The following TTC28 variants were observed in gnomAD, a reference collection of about 807,000 sequenced individuals.
TTC28 encodes the protein tetratricopeptide repeat domain 28, also known as tetratricopeptide repeat protein 28.
In TTC28, 61 loss-of-function variants were observed where a neutral mutation model predicts 198.0. The ratio of observed to expected loss-of-function variants is 0.31; its 90% CI spans 0.25 to 0.38. The LOEUF is 0.38. Ranked by LOEUF, TTC28 falls within the 10% of genes least tolerant of loss-of-function variation. The pLI, the probability that TTC28 is intolerant of heterozygous loss-of-function variation, is 1.00. For synonymous variants in TTC28, 1,171 were observed against 1,297.8 expected, an observed-to-expected ratio of 0.90 and a Z score of 2.10; for missense variants, 2,678 against 3,164.0, an observed-to-expected ratio of 0.85 and a Z score of 3.69.
chr22:28,408,159 GA>G (rs201868066), intron 2 of TTC28, among the ~76,000 whole-genome samples: 17 of 148,040 alleles, frequency 1.1e-4, no homozygotes, highest in African/African-American at 2.7e-4. Context: ...GCACAGGACT[GA>G]AAAAAAAACA....
In TTC28 at chr22:28,123,969, C is replaced by T. The variant is rs181503966; in HGVS notation, c.1442-15566G>A. Among the ~76,000 whole-genome samples, 159 of 152,108 alleles carry T rather than the reference C, an allele frequency of 1.0e-3. 1 individual carries two copies. The highest frequency in any genetic ancestry group is 3.5e-3 in the African/African-American group (145 of 41,480). On this transcript the variant is annotated intron_variant, in intron 6 of 22. Coordinates refer to ENST00000397906, the MANE Select transcript of TTC28 (RefSeq NM_001145418.2). ...CTGCACTCCAACCTGGGTGACAGAG[C>T]GAGACTCCATCTCCAAAAAAAGAAA...
intron 2 of TTC28, among the ~76,000 whole-genome samples, chr22:28,544,277 T>C (rs1046829637): frequency 6.6e-6 from 1 of 152,114 alleles, no homozygotes; most frequent in Non-Finnish European, 1.5e-5. Flanking sequence ...CTAGAATATT[T>C]CCCACAGTTG....
chr22:28,403,670 T>C (rs994793279), intron 2 of TTC28, among the ~76,000 whole-genome samples: 1 of 152,196 alleles, frequency 6.6e-6, no homozygotes, highest in South Asian at 2.1e-4. Context: ...CCATCAAAGA[T>C]GACTCTTTAA....
At position 28,629,740 on chromosome 22, in the gene TTC28, T is replaced by C; in HGVS notation, c.193A>G (p.Ser65Gly). 1.3e-6 allele frequency: 2 copies of C among 1,551,722 alleles called. No individual in the cohort carries two copies. Among genetic ancestry groups the C allele is most frequent in the African/African-American group, 1.4e-5 (1 of 73,174 alleles). Residue 65 changes from serine to glycine, a missense_variant, in exon 2 of 23, where the codon AGT becomes GGT. Physicochemically the swap from Ser to Gly is moderately conservative, Grantham distance 56. Around this residue, in one of 8 missense-constraint regions of TTC28, gnomAD observed 176 missense variants for 197.9 expected, o/e 0.89. Transcript: ENST00000397906. ...TCTCCATCATGACAGGCCTGATTAC[T>C]CTGACGAACTTTCTCAACAAATTCA... ...KAEFVEKVRQ[S>G]NQACHDGDFH...
At position 28,297,864 on chromosome 22, in the gene TTC28, C is replaced by G; in HGVS notation, c.530-12G>C. ...GGGCTCGAGGGAGTCTGAAAATAAA[C>G]AACAATAACAGCAACATAACAGGAG... On this transcript the variant is annotated splice_polypyrimidine_tract_variant and intron_variant, in intron 3 of 22. Transcript: ENST00000397906. 6.5e-7 allele frequency: 1 copy of G among 1,549,908 alleles called. No homozygotes were observed. The highest frequency in any genetic ancestry group is 8.7e-7 in the Non-Finnish European group (1 of 1,146,234).
intron 5 of TTC28, among the ~76,000 whole-genome samples, chr22:28,196,067 T>A (rs377232573): frequency 6.6e-6 from 1 of 151,632 alleles, no homozygotes; most frequent in African/African-American, 2.4e-5. Flanking sequence ...CAAAACAGCA[T>A]GGTACTGGTA....
intron 2 of TTC28, among the ~76,000 whole-genome samples, chr22:28,371,963 C>T (rs2046345216): frequency 6.6e-6 from 1 of 151,420 alleles, no homozygotes; most frequent in African/African-American, 2.4e-5. Context: ...GTGGTGTGTG[C>T]CTGTAGTCCC....
intron 2 of TTC28, among the ~76,000 whole-genome samples, chr22:28,493,047 T>TAAAAAAAAA (rs750347534): frequency 1.5e-5 from 1 of 66,364 alleles, no homozygotes; most frequent in African/African-American, 5.2e-5. Context: ...TTCACGATAC[T>TAAAAAAAAA]AAAAAAAAAA....
At chr22:28,615,210 C>T (rs963196901) in intron 2 of TTC28, among the ~76,000 whole-genome samples, 4 of 152,214 alleles carry the variant, frequency 2.6e-5, no homozygotes, top group Non-Finnish European at 5.9e-5. Flanking sequence ...TGCTCATCAT[C>T]ACTGGCCATC....
At chr22:28,283,751 A>C (rs2044628211) in intron 5 of TTC28, among the ~76,000 whole-genome samples, 1 of 152,174 alleles carries the variant, frequency 6.6e-6, no homozygotes, top group Non-Finnish European at 1.5e-5. Flanking sequence ...GGGTCTCACC[A>C]TGTTGCTCAG....
intron 5 of TTC28, among the ~76,000 whole-genome samples, chr22:28,287,573 A>G (rs368192929): frequency 6.6e-6 from 1 of 152,318 alleles, no homozygotes; most frequent in East Asian, 1.9e-4. Flanking sequence ...GAGGCCTTCT[A>G]TGCAAAGAGA....
At chr22:28,437,115 C>T (rs1183923079) in intron 2 of TTC28, among the ~76,000 whole-genome samples, 7 of 152,016 alleles carry the variant, frequency 4.6e-5, no homozygotes, top group Admixed American at 2.0e-4. Flanking sequence ...CAGAGTCTCG[C>T]TCTGTCACCT....
chr22:28,600,598 G>A (rs991373849), intron 2 of TTC28, among the ~76,000 whole-genome samples: 5 of 152,120 alleles, frequency 3.3e-5, no homozygotes, highest in Non-Finnish European at 7.4e-5. Context: ...TGGATAATAT[G>A]TATTGAATAT....
intron 2 of TTC28, among the ~76,000 whole-genome samples, chr22:28,582,741 CTATT>C (rs2050250299): frequency 6.6e-6 from 1 of 152,034 alleles, no homozygotes; most frequent in Non-Finnish European, 1.5e-5. Flanking sequence ...AACAAGAACT[CTATT>C]CATTAAAAAC....
chr22:28,532,519 T>C (rs2049162867), intron 2 of TTC28, among the ~76,000 whole-genome samples: 2 of 152,036 alleles, frequency 1.3e-5, no homozygotes, highest in South Asian at 4.1e-4. Flanking sequence ...ACTATTCCAA[T>C]CAAAAGAAAA....
At chr22:28,578,400 C>T (rs1222301343) in intron 2 of TTC28, among the ~76,000 whole-genome samples, 6 of 152,040 alleles carry the variant, frequency 3.9e-5, no homozygotes, top group Non-Finnish European at 8.8e-5. Context: ...CACTGGCATA[C>T]AATATGTTCT....
chr22:28,170,842 T>A (rs1031567747), intron 5 of TTC28, among the ~76,000 whole-genome samples: 7 of 152,086 alleles, frequency 4.6e-5, no homozygotes, highest in Admixed American at 4.6e-4. Context: ...GTGGTCTCCA[T>A]TAAGCCTCAC....
chr22:28,491,358 T>C (rs899100485), intron 2 of TTC28, among the ~76,000 whole-genome samples: 18 of 152,066 alleles, frequency 1.2e-4, no homozygotes, highest in African/African-American at 3.6e-4. Context: ...GCAATCTACT[T>C]ATCTGACAAA....
At chr22:28,618,539 G>T (rs547404156) in intron 2 of TTC28, among the ~76,000 whole-genome samples, 1 of 151,544 alleles carries the variant, frequency 6.6e-6, no homozygotes, top group South Asian at 2.1e-4. Context: ...AAAATTAGCC[G>T]GGCGTGGTAG....
Sources: allele counts gnomAD v4.1 joint callset (sites outside exome capture counted in the v4.1 genomes callset), GRCh38; gene constraint gnomAD v4.1.1; regional missense constraint gnomAD v4.1.1; transcripts MANE v1.5; gene names NCBI Gene and HGNC (gene_info 2026-07-23, HGNC 2026-07-21).